The following IFT74 variants were observed in gnomAD, a reference collection of about 807,000 sequenced individuals.
The protein encoded by IFT74 is intraflagellar transport protein 74 homolog.
IFT74 carries 92 observed loss-of-function variants against 96.7 expected under a neutral mutation model. The ratio of observed to expected loss-of-function variants is 0.95; its 90% CI spans 0.80 to 1.13. The LOEUF is 1.13. Among genes scored for constraint, IFT74 ranks in the 50% most tolerant of loss-of-function variants. The pLI is 0.00. For missense variants in IFT74, 811 were observed against 698.2 expected (o/e 1.16, Z -1.82); for synonymous variants, 223 against 213.2 (o/e 1.05, Z -0.40).
chr9:27,056,658 A>G (rs1010181712), intron 18 of IFT74, among the ~76,000 whole-genome samples, 199 bp downstream of exon 18: 3 of 152,126 alleles, frequency 2.0e-5, no homozygotes, highest in Non-Finnish European at 4.4e-5. Context: ...TTGAAAGCCA[A>G]CTCTGTTAGA....
At chr9:27,061,701 A>G (rs902129084) in intron 19 of IFT74, among the ~76,000 whole-genome samples, 4 of 145,258 alleles carry the variant, frequency 2.8e-5, no homozygotes, top group Non-Finnish European at 5.9e-5. Context: ...ATATATGTAC[A>G]TAATATATAA....
chr9:26,984,671 G>T (rs982659897), intron 6 of IFT74, 112 bp downstream of exon 6: 1 of 749,900 alleles, frequency 1.3e-6, no homozygotes, highest in Non-Finnish European at 2.2e-6. Context: ...TTCAAAAGAA[G>T]ACAAACATGC....
chr9:26,960,560 C>T (rs980525895), intron 1 of IFT74, among the ~76,000 whole-genome samples: 1 of 152,158 alleles, frequency 6.6e-6, no homozygotes, highest in Non-Finnish European at 1.5e-5. Context: ...AACTTACTAA[C>T]GGATGTGACC....
At chr9:26,964,897 T>G (rs1826540678) in intron 2 of IFT74, among the ~76,000 whole-genome samples, 1 of 152,112 alleles carries the variant, frequency 6.6e-6, no homozygotes, top group Admixed American at 6.5e-5. Flanking sequence ...GTGTCATAAA[T>G]AGTGAATAAG....
At position 27,056,395 on chromosome 9, in the gene IFT74, A is replaced by G; in HGVS notation, c.1559A>G (p.Glu520Gly). The G allele has an allele frequency of 1.2e-6, 2 of 1,600,254 alleles. No individual in the cohort carries two copies. The highest frequency in any genetic ancestry group is 1.1e-5 in the South Asian group (1 of 89,030). ...AGAAATGCCTTTAAGAAAATAATGG[A>G]GAAGCAAAACATAGAGTATGAGGCA... The part of the protein sequence containing the change: ...THRNAFKKIM[E>G]KQNIEYEALK... The change falls in exon 18 of 20, where the codon GAG becomes GGG. Residue 520 changes from glutamate to glycine, a missense_variant. Transcript: ENST00000380062.
rs188285257 is a variant in IFT74, at chr9:27,060,823, G to A, written c.1684+172G>A. The A allele has an allele frequency of 5.3e-4, 200 of 380,908 alleles. 1 individual carries two copies. In the East Asian group the frequency reaches 5.5e-3, roughly 10 times the overall value. 23.6% of individuals were successfully genotyped at this position (380,908 alleles called of 1,614,324 possible). ...AAATACAAAAAAAACATAGCCGGGC[G>A]TGGTGGCGGGTGCCTGCAATCCCAC... On this transcript the variant is annotated intron_variant, in intron 19 of 19. Transcript: ENST00000380062.
intron 2 of IFT74, among the ~76,000 whole-genome samples, chr9:26,972,223 A>C (rs1826911410): frequency 6.6e-6 from 1 of 152,148 alleles, no homozygotes; most frequent in African/African-American, 2.4e-5. Flanking sequence ...GAATGGTCTT[A>C]TACTTTAAAA....
chr9:26,958,424 C>G (rs1826213911), intron 1 of IFT74, among the ~76,000 whole-genome samples: 1 of 152,144 alleles, frequency 6.6e-6, no homozygotes, highest in Admixed American at 6.5e-5. Context: ...ACTTAAGAGG[C>G]TGGTATAATA....
chr9:26,954,952 C>T (rs1484887442), upstream of IFT74, among the ~76,000 whole-genome samples: 3 of 152,062 alleles, frequency 2.0e-5, no homozygotes, highest in Non-Finnish European at 4.4e-5. Context: ...AGATGTATTC[C>T]TATTCTCTAT....
intron 2 of IFT74, among the ~76,000 whole-genome samples, chr9:26,975,469 A>G (rs115210970): frequency 0.026 from 3,964 of 152,266 alleles, 175 homozygotes; most frequent in African/African-American, 0.09. Flanking sequence ...TAAAACAACA[A>G]TATTGTATCA....
At chr9:26,991,011 T>C (rs1386249496) in intron 8 of IFT74, among the ~76,000 whole-genome samples, 1 of 152,216 alleles carries the variant, frequency 6.6e-6, no homozygotes, top group Non-Finnish European at 1.5e-5. Context: ...GCACATTCTC[T>C]CCCAGAAATT....
intron 12 of IFT74, among the ~76,000 whole-genome samples, chr9:27,021,604 A>G (rs1023278764): frequency 2.0e-5 from 3 of 151,984 alleles, no homozygotes; most frequent in African/African-American, 7.2e-5. Context: ...ATTTCCTATG[A>G]TTGTTGACCA....
At chr9:27,007,849 C>T (rs1248048050) in intron 8 of IFT74, among the ~76,000 whole-genome samples, 1 of 152,148 alleles carries the variant, frequency 6.6e-6, no homozygotes, top group African/African-American at 2.4e-5. Flanking sequence ...AATGTGTGTT[C>T]AATCCAGCTT....
chr9:26,997,278 T>C (rs1243048123), intron 8 of IFT74, among the ~76,000 whole-genome samples: 3 of 151,998 alleles, frequency 2.0e-5, no homozygotes, highest in African/African-American at 7.2e-5. Flanking sequence ...TATGCAGCTG[T>C]TACTTTTTAG....
chr9:27,037,039 G>A (rs1819234042), intron 13 of IFT74, among the ~76,000 whole-genome samples: 1 of 152,052 alleles, frequency 6.6e-6, no homozygotes, highest in African/African-American at 2.4e-5. Flanking sequence ...CCCAAATGGT[G>A]AAACCCCGTC....
intron 8 of IFT74, chr9:26,994,901 C>G (rs1054481997): frequency 6.6e-6 from 1 of 152,422 alleles, no homozygotes; most frequent in African/African-American, 2.4e-5. Flanking sequence ...ATGGTGACAG[C>G]CTTTCTTTAT....
At chr9:27,043,908 C>T (rs537626528) in intron 13 of IFT74, among the ~76,000 whole-genome samples, 2 of 152,064 alleles carry the variant, frequency 1.3e-5, no homozygotes, top group Admixed American at 6.5e-5. Context: ...TTATTGCCTC[C>T]AATCTTACTT....
At chr9:26,967,247 AT>A (rs1554665916) in intron 2 of IFT74, among the ~76,000 whole-genome samples, 1 of 151,534 alleles carries the variant, frequency 6.6e-6, no homozygotes, top group Non-Finnish European at 1.5e-5. Flanking sequence ...ATATCTTTCT[AT>A]TTTTTGTTGT....
chr9:26,995,350 T>A (rs975848840), intron 8 of IFT74: 2 of 539,624 alleles, frequency 3.7e-6, no homozygotes, highest in Non-Finnish European at 6.6e-6. Flanking sequence ...TTACTGTATT[T>A]GAACCTGCTT....
Sources: gnomAD v4.1 joint callset for allele counts (sites outside exome capture counted in the v4.1 genomes callset) on GRCh38, gnomAD v4.1.1 for gene constraint, MANE v1.5 for transcripts, NCBI Gene and HGNC (gene_info 2026-07-23, HGNC 2026-07-21) for gene names.